NBAS: variants seen among roughly 807,000 people sequenced by gnomAD.
NBAS encodes the protein NAG/BC035112 fusion.
In NBAS, 219 loss-of-function variants were observed where a neutral mutation model predicts 302.5. That is an observed-to-expected ratio of 0.72 (90% CI 0.65 to 0.81). The LOEUF is 0.81. Among genes scored for constraint, NBAS ranks in the 30% least tolerant of loss-of-function variants. The pLI, the probability that NBAS is intolerant of heterozygous loss-of-function variation, is 0.00. For synonymous variants in NBAS, 1,118 were observed against 1,021.6 expected (o/e 1.09, Z -1.80); for missense variants, 2,932 against 2,841.6 (o/e 1.03, Z -0.72).
At chr2:15,267,067 C>A (rs1669110668) in intron 44 of NBAS, among the ~76,000 whole-genome samples, 1 of 152,218 alleles carries the variant, frequency 6.6e-6, no homozygotes, top group South Asian at 2.1e-4. Context: ...TATACCAAAT[C>A]AAACTATACC....
At chr2:14,891,901 G>A in the NBAS span, among the ~76,000 whole-genome samples, 1 of 152,160 alleles carries the variant, frequency 6.6e-6, no homozygotes, top group African/African-American at 2.4e-5. Context: ...GGTGTTATAG[G>A]AAAAGCACTG....
the NBAS span, among the ~76,000 whole-genome samples, chr2:14,885,379 G>C: frequency 6.6e-6 from 1 of 152,154 alleles, no homozygotes; most frequent in African/African-American, 2.4e-5. Context: ...TGAGTAATAA[G>C]GTGGATAATA....
At chr2:15,343,590 A>G (rs925995742) in intron 35 of NBAS, among the ~76,000 whole-genome samples, 1 of 152,120 alleles carries the variant, frequency 6.6e-6, no homozygotes, top group Non-Finnish European at 1.5e-5. Context: ...AGAAAACAAA[A>G]CAAACATTAT....
chr2:14,911,154 GA>G, the NBAS span, among the ~76,000 whole-genome samples: 1 of 152,096 alleles, frequency 6.6e-6, no homozygotes, highest in Non-Finnish European at 1.5e-5. Context: ...AGATGTTATC[GA>G]AAGCAAATTT....
At chr2:15,415,892 G>A (rs184953009) in intron 24 of NBAS, among the ~76,000 whole-genome samples, 173 bp from the exon 25 acceptor site, 15 of 152,266 alleles carry the variant, frequency 9.9e-5, no homozygotes, top group Middle Eastern at 3.4e-3. Context: ...GGATTGACAG[G>A]TAGCAGGAAA....
chr2:15,276,426 T>G (rs1669585328), intron 43 of NBAS, among the ~76,000 whole-genome samples: 1 of 152,234 alleles, frequency 6.6e-6, no homozygotes, highest in East Asian at 1.9e-4. Context: ...TTTCCATAAT[T>G]TATCAAATAT....
At position 15,190,357 on chromosome 2, in the gene NBAS, A is replaced by T. The variant is rs1345589004; in HGVS notation, c.6479T>A (p.Phe2160Tyr). 1 of 1,614,070 alleles carries T rather than the reference A, an allele frequency of 6.2e-7. No individual in the cohort carries two copies. Among genetic ancestry groups the T allele is most frequent in the Admixed American group, 1.7e-5 (1 of 60,018 alleles). Reference protein sequence around the residue: ...IENEENRYCLFMELLESSHHE... With the variant: ...IENEENRYCLYMELLESSHHE... ...GTGACTAGATTCCAGGAGTTCCATG[A>T]ATAGACAGTAGCGGTTCTCTTCATT... The change falls in exon 49 of 52, where the codon TTC becomes TAC. Residue 2160 changes from phenylalanine (F) to tyrosine (Y), a missense_variant. Transcript: ENST00000281513.
In NBAS at chr2:15,461,289, C is replaced by G; in HGVS notation, c.2251G>C (p.Asp751His). 1 of 1,613,106 alleles carries G rather than the reference C, an allele frequency of 6.2e-7. No individual in the cohort carries two copies. The highest frequency in any genetic ancestry group is 8.5e-7 in the Non-Finnish European group (1 of 1,179,246). Residue 751 changes from aspartate to histidine, a missense_variant, in exon 21 of 52, where the codon GAC becomes CAC. Physicochemically the swap from Asp to His is moderately conservative, Grantham distance 81. Transcript: ENST00000281513. The part of the protein sequence containing the change: ...LEILFTYHGS[D>H]LLPHRLAILS... ...ATTGCAAGGCGATGAGGAAGCAGGT[C>G]GGAACCATGGTAAGTAAACAGAATT... is the stretch of plus-strand genomic sequence containing the variant.
chr2:15,333,623 T>G (rs1322578521), intron 35 of NBAS, among the ~76,000 whole-genome samples: 2 of 152,102 alleles, frequency 1.3e-5, no homozygotes, highest in Admixed American at 6.6e-5. Flanking sequence ...ATATATTACA[T>G]TTAAATGTTT....
At position 15,475,847 on chromosome 2, in the gene NBAS, T is replaced by C. The variant is rs143312358; in HGVS notation, c.1181A>G (p.Asn394Ser). Residue 394 changes from asparagine (N) to serine (S), a missense_variant, in exon 14 of 52, where the codon AAT (asparagine) becomes AGT (serine). Transcript: ENST00000281513. The part of the protein sequence containing the change: ...KESFYPLIDV[N>S]WWADSAVTLA... ...AGTCACTGCACTGTCTGCCCACCAA[T>C]TGACATCTATCAGTGGGTAAAAGGA... is the stretch of plus-strand genomic sequence containing the variant. The C allele has an allele frequency of 4.6e-4, 746 of 1,613,942 alleles. No homozygotes were observed. In the African/African-American group the frequency reaches 5.8e-3, roughly 13 times the overall value.
chr2:15,121,521 G>A, the NBAS span, among the ~76,000 whole-genome samples: 3 of 152,104 alleles, frequency 2.0e-5, no homozygotes, highest in East Asian at 3.9e-4. Flanking sequence ...CCAAGGGCCC[G>A]AGGATGGAAT....
rs1174472808 is a variant in NBAS, at chr2:15,218,987, AG to A, written c.6237-20del. ...CTCCTCACTGCAGGGCAAAATCCAG[AG>A]GTATCTGTAAACTCCTAAGCCTTTT... On this transcript the variant is annotated intron_variant, in intron 47 of 51. Coordinates refer to ENST00000281513, the MANE Select transcript of NBAS (RefSeq NM_015909.4). 4 of 1,614,024 alleles carry A rather than the reference AG, an allele frequency of 2.5e-6. No individual in the cohort carries two copies. Among genetic ancestry groups the A allele is most frequent in the Non-Finnish European group, 3.4e-6 (4 of 1,179,928 alleles).
intron 6 of NBAS, among the ~76,000 whole-genome samples, chr2:15,544,460 T>A (rs1228178864): frequency 6.6e-6 from 1 of 151,796 alleles, no homozygotes; most frequent in Non-Finnish European, 1.5e-5. Context: ...CACAACAAAT[T>A]TAAAATCAAT....
chr2:14,955,118 C>T, the NBAS span, among the ~76,000 whole-genome samples: 11 of 152,162 alleles, frequency 7.2e-5, no homozygotes, highest in Non-Finnish European at 1.0e-4. Flanking sequence ...ACACCTATTC[C>T]AAATGGGAGA....
At chr2:15,223,640 C>T (rs1667042624) in intron 47 of NBAS, among the ~76,000 whole-genome samples, 1 of 151,930 alleles carries the variant, frequency 6.6e-6, no homozygotes, top group Non-Finnish European at 1.5e-5. Context: ...ACCATCCTGG[C>T]CAACATGGTG....
Position 15,284,932 on chromosome 2 carries a change from G to C in NBAS, c.5138+2141C>G, listed in dbSNP as rs572457063. 2.0e-5 allele frequency among the ~76,000 whole-genome samples: 3 copies of C among 152,220 alleles called. No homozygotes were observed. In the South Asian group the frequency reaches 6.2e-4, roughly 32 times the overall value. ...GCTACCAGGTATAATGATATGCTAG[G>C]AACAGCCTTGCACATCACTCGATTG... On this transcript the variant is annotated intron_variant, in intron 42 of 51. Transcript: ENST00000281513.
intron 26 of NBAS, 73 bp from the exon 27 acceptor site, chr2:15,396,548 A>C: frequency 9.9e-7 from 1 of 1,009,300 alleles, no homozygotes; most frequent in Non-Finnish European, 1.5e-6. Context: ...TACAAAACTT[A>C]ATGAAGTGAA....
chr2:14,928,631 G>A, the NBAS span, among the ~76,000 whole-genome samples: 1 of 151,192 alleles, frequency 6.6e-6, no homozygotes, highest in Admixed American at 6.6e-5. Flanking sequence ...AAGAAATTCA[G>A]TTTAGTTTAA....
At chr2:14,891,378 A>G in the NBAS span, among the ~76,000 whole-genome samples, 1 of 152,102 alleles carries the variant, frequency 6.6e-6, no homozygotes, top group Admixed American at 6.5e-5. Context: ...ATTAACATGA[A>G]GCGGATTTTA....
Sources: gnomAD v4.1 joint callset for allele counts (sites outside exome capture counted in the v4.1 genomes callset) on GRCh38, gnomAD v4.1.1 for gene constraint, MANE v1.5 for transcripts, NCBI Gene and HGNC (gene_info 2026-07-23, HGNC 2026-07-21) for gene names.